Variants in RBFOX1 observed in about 807,000 individuals in gnomAD.
The protein encoded by RBFOX1 is RNA binding fox-1 homolog 1.
A neutral mutation model predicts 57.7 loss-of-function variants in RBFOX1; 8 were observed. That is an observed-to-expected ratio of 0.14 (90% CI 0.08 to 0.25). RBFOX1 has a LOEUF of 0.25. Ranked by LOEUF, RBFOX1 falls within the 10% of genes least tolerant of loss-of-function variation. RBFOX1 has a pLI of 1.00. For synonymous variants in RBFOX1, 326 were observed against 222.4 expected (o/e 1.47, Z -4.15); for missense variants, 611 against 548.5 (o/e 1.11, Z -1.14).
At chr16:6,538,751 C>A (rs142425090) in intron 2 of RBFOX1, among the ~76,000 whole-genome samples, 1 of 152,176 alleles carries the variant, frequency 6.6e-6, no homozygotes, top group African/African-American at 2.4e-5. Flanking sequence ...CTTTTTCCAG[C>A]TGTTGGTTGT....
chr16:6,183,486 T>TAAAA, intron 1 of RBFOX1, among the ~76,000 whole-genome samples: 1 of 140,894 alleles, frequency 7.1e-6, no homozygotes, highest in Non-Finnish European at 1.5e-5. Context: ...TCTAAAAAAA[T>TAAAA]TAAATAAATA....
chr16:7,003,533 C>T (rs1430967675), intron 3 of RBFOX1, among the ~76,000 whole-genome samples: 1 of 151,366 alleles, frequency 6.6e-6, no homozygotes, highest in African/African-American at 2.4e-5. Context: ...CTCAGGGATG[C>T]ATATTTACAC....
intron 3 of RBFOX1, among the ~76,000 whole-genome samples, chr16:6,725,045 TTTTTTTTTTTTTC>T (rs2066872272): frequency 5.2e-5 from 2 of 38,166 alleles, no homozygotes; most frequent in South Asian, 2.4e-3. Context: ...TGGCTAGCTT[TTTTTTTTTTTTTC>T]TTTTTTTTTT....
chr16:5,789,866 G>C (rs1195148392), intron 3 of RBFOX1, among the ~76,000 whole-genome samples: 2 of 152,238 alleles, frequency 1.3e-5, no homozygotes, highest in African/African-American at 4.8e-5. Context: ...GCAGATTATA[G>C]ACTTGGATAA....
At chr16:7,280,991 C>G (rs1217197452) in intron 4 of RBFOX1, among the ~76,000 whole-genome samples, 3 of 111,844 alleles carry the variant, frequency 2.7e-5, no homozygotes, top group Non-Finnish European at 5.2e-5. Flanking sequence ...CTCCCTCCCT[C>G]CTTCCTTCCT....
At chr16:6,643,850 G>A (rs1484533673) in intron 2 of RBFOX1, among the ~76,000 whole-genome samples, 1 of 151,880 alleles carries the variant, frequency 6.6e-6, no homozygotes, top group Non-Finnish European at 1.5e-5. Context: ...ATAAGGCTGA[G>A]CACGCTGGGT....
intron 1 of RBFOX1, among the ~76,000 whole-genome samples, chr16:6,129,950 T>G (rs190084110): frequency 4.6e-5 from 7 of 152,164 alleles, no homozygotes; most frequent in Admixed American, 1.3e-4. Context: ...AAAATATTCT[T>G]AAAAATTAGG....
chr16:6,636,117 C>T (rs2098429952), intron 2 of RBFOX1, among the ~76,000 whole-genome samples: 1 of 152,170 alleles, frequency 6.6e-6, no homozygotes, highest in African/African-American at 2.4e-5. Flanking sequence ...CCACTTGTGG[C>T]ATCACCTCGC....
At chr16:6,751,167 A>T (rs566300755) in intron 3 of RBFOX1, among the ~76,000 whole-genome samples, 1 of 152,252 alleles carries the variant, frequency 6.6e-6, no homozygotes, top group East Asian at 1.9e-4. Context: ...TTTACATTTT[A>T]TTCGAAATAC....
chr16:6,926,871 A>G (rs950962921), intron 3 of RBFOX1, among the ~76,000 whole-genome samples: 1 of 152,000 alleles, frequency 6.6e-6, no homozygotes, highest in Admixed American at 6.6e-5. Flanking sequence ...TTTATTTTTC[A>G]CTTAGAACCT....
intron 3 of RBFOX1, among the ~76,000 whole-genome samples, chr16:6,907,542 C>T (rs186323292): frequency 1.1e-4 from 17 of 152,160 alleles, no homozygotes; most frequent in Non-Finnish European, 2.1e-4. Flanking sequence ...TCCTATGCCT[C>T]TCTCTTAGCT....
At chr16:7,656,682 C>T (rs2066391889) in intron 12 of RBFOX1, among the ~76,000 whole-genome samples, 1 of 152,140 alleles carries the variant, frequency 6.6e-6, no homozygotes, top group African/African-American at 2.4e-5. Context: ...ATGACTCACA[C>T]CTATTGTGTT....
rs10468316 is a variant in RBFOX1 at position 6,271,401 on chromosome 16, C to T, written c.-126-45594C>T. Among the ~76,000 whole-genome samples, 600 of 151,826 alleles carry T rather than the reference C, an allele frequency of 4.0e-3. 5 individuals are homozygous for T. The highest frequency in any genetic ancestry group is 0.025 in the East Asian group (130 of 5,178). On this transcript the variant is annotated intron_variant, in intron 1 of 15. Transcript: ENST00000550418. Reference sequence around the variant, plus strand: ...AGTGACCACTGCACTTCAGCTGGAGCGACAGAGCAAGACCCTGTCTAAAAA... The same window carrying T: ...AGTGACCACTGCACTTCAGCTGGAGTGACAGAGCAAGACCCTGTCTAAAAA...
intron 14 of RBFOX1, among the ~76,000 whole-genome samples, chr16:7,702,107 A>G (rs951941255): frequency 2.0e-5 from 3 of 152,108 alleles, no homozygotes; most frequent in African/African-American, 7.2e-5. Context: ...TTACCCCAAC[A>G]TTTTCTCAAA....
chr16:5,742,506 A>G (rs1425150778), intron 3 of RBFOX1, among the ~76,000 whole-genome samples: 1 of 152,190 alleles, frequency 6.6e-6, no homozygotes, highest in South Asian at 2.1e-4. Flanking sequence ...GGAAGCTGTC[A>G]AAGGAGAGAA....
At chr16:5,707,904 C>CT (rs2051312383) in intron 3 of RBFOX1, among the ~76,000 whole-genome samples, 1 of 152,116 alleles carries the variant, frequency 6.6e-6, no homozygotes, top group Non-Finnish European at 1.5e-5. Context: ...GTACTTAATA[C>CT]TATTTGTAAC....
At chr16:7,040,058 G>C (rs1384950269) in intron 3 of RBFOX1, among the ~76,000 whole-genome samples, 2 of 151,564 alleles carry the variant, frequency 1.3e-5, no homozygotes, top group Admixed American at 6.6e-5. Flanking sequence ...GTCTTGCTCT[G>C]TCACCAGGTT....
intron 3 of RBFOX1, among the ~76,000 whole-genome samples, chr16:7,045,671 G>A (rs147872885): frequency 1.4e-4 from 21 of 151,442 alleles, no homozygotes; most frequent in Non-Finnish European, 2.6e-4. Context: ...TTTCAATAGA[G>A]CGAGACATTG....
At chr16:7,627,698 C>A (rs2060292081) in intron 10 of RBFOX1, among the ~76,000 whole-genome samples, 2 of 152,094 alleles carry the variant, frequency 1.3e-5, no homozygotes, top group South Asian at 4.1e-4. Context: ...CTTACCTTTC[C>A]CTGCCCAAAA....
Sources: gnomAD v4.1 joint callset for allele counts (sites outside exome capture counted in the v4.1 genomes callset) on GRCh38, gnomAD v4.1.1 for gene constraint, MANE v1.5 for transcripts, NCBI Gene and HGNC (gene_info 2026-07-23, HGNC 2026-07-21) for gene names.